DHX34: variants seen among roughly 807,000 people sequenced by gnomAD.
The protein encoded by DHX34 is DExH-box helicase 34.
DHX34 carries 96 observed loss-of-function variants against 111.1 expected under a neutral mutation model. The ratio of observed to expected loss-of-function variants is 0.86; its 90% CI spans 0.73 to 1.02. The LOEUF is 1.02. Ranked by LOEUF, DHX34 falls within the 50% of genes least tolerant of loss-of-function variation. The probability of loss-of-function intolerance (pLI) is 0.00; values close to 1 mark genes in which losing one functional copy is unlikely to be tolerated. For missense variants in DHX34, 1,560 were observed against 1,579.9 expected, an observed-to-expected ratio of 0.99 and a Z score of 0.21; for synonymous variants, 688 against 670.4, an observed-to-expected ratio of 1.03 and a Z score of -0.41.
At chr19:47,357,809 C>A (rs1215787456) in intron 3 of DHX34, 57 bp from the exon 4 acceptor site, 1 of 1,566,754 alleles carries the variant, frequency 6.4e-7, no homozygotes, top group South Asian at 1.2e-5. Context: ...CTCCCCAGCC[C>A]ATTGCTCTGA....
At position 47,355,252 on chromosome 19, in the gene DHX34, G is replaced by A; in HGVS notation, c.919G>A (p.Val307Ile). 2 of 1,614,124 alleles carry A rather than the reference G, an allele frequency of 1.2e-6. No individual in the cohort carries two copies. Among genetic ancestry groups the A allele is most frequent in the Non-Finnish European group, 1.7e-6 (2 of 1,180,026 alleles). Residue 307 changes from valine (V) to isoleucine (I), a missense_variant, in exon 3 of 17, where the codon GTC becomes ATC. By Grantham distance (29) the Val-to-Ile change is conservative. Transcript: ENST00000328771. The part of the protein sequence containing the change: ...RLLPTRPDLK[V>I]ILMSATINIS... ...GTTGCCCACGCGGCCTGACCTCAAG[G>A]TCATCCTCATGTCGGCCACCATCAA...
Position 47,380,958 on chromosome 19 carries a change from C to CTTTGT in DHX34, c.3125_3126insTTTGT (p.Val1043LeufsTer2). 2 of 1,597,048 alleles carry CTTTGT rather than the reference C, an allele frequency of 1.3e-6. No homozygotes were observed. Among genetic ancestry groups the CTTTGT allele is most frequent in the Non-Finnish European group, 1.7e-6 (2 of 1,172,492 alleles). On this transcript the variant is annotated frameshift_variant, in exon 15 of 17. Coordinates refer to ENST00000328771, the MANE Select transcript of DHX34 (RefSeq NM_014681.6). LOFTEE classifies it high-confidence loss of function. ...CCCCACCCCACAAAGGGGGGCTACG[C>CTTTGT]AGTCACTGACTTCCTCACCTACAAC... is the stretch of plus-strand genomic sequence containing the variant.
chr19:47,352,042 T>C (rs10419759), intron 1 of DHX34, among the ~76,000 whole-genome samples: 18,806 of 152,232 alleles, frequency 0.12, 1,287 homozygotes, highest in Middle Eastern at 0.19. Flanking sequence ...TTCTTTTCAT[T>C]ATATCACACC....
chr19:47,362,290 AGATGTGTGAGG>A, intron 5 of DHX34, 175 bp from the exon 6 acceptor site: 1 of 663,890 alleles, frequency 1.5e-6, no homozygotes, highest in Non-Finnish European at 1.9e-6. Flanking sequence ...AAAAAAAAAA[AGATGTGTGAGG>A]AAATGAAAGA....
intron 5 of DHX34, among the ~76,000 whole-genome samples, chr19:47,360,669 T>G (rs920071485): frequency 6.7e-6 from 1 of 149,022 alleles, no homozygotes; most frequent in Non-Finnish European, 1.5e-5. Flanking sequence ...TGACATTCTG[T>G]TTGTTGTTGT....
In DHX34 at chr19:47,364,193, C is replaced by T. The variant is rs115578976; in HGVS notation, c.1593+1500C>T. On this transcript the variant is annotated intron_variant, in intron 6 of 16. Coordinates refer to ENST00000328771, the MANE Select transcript of DHX34 (RefSeq NM_014681.6). ...AGTGAGTACAGGAGGGTTTGCGGGT[C>T]GAGCCTGCAAATGGTGCACTTGCCT... is the stretch of plus-strand genomic sequence containing the variant. Among the ~76,000 whole-genome samples the T allele has an allele frequency of 3.1e-3, 473 of 152,118 alleles. 4 individuals carry two copies. The highest frequency in any genetic ancestry group is 0.011 in the African/African-American group (454 of 41,488).
chr19:47,373,328 A>C lies in DHX34; in HGVS notation c.1963-271A>C, dbSNP rs189501153. 2.7e-3 allele frequency among the ~76,000 whole-genome samples: 407 copies of C among 152,350 alleles called. 1 individual carries two copies. Among genetic ancestry groups the C allele is most frequent in the Middle Eastern group, 0.01 (3 of 294 alleles). ...CCTCCCGGGGTTCACAGCCCAGTGC[A>C]GGGAGACAGACCACTGATGTGACAG... On this transcript the variant is annotated intron_variant, in intron 8 of 16. Transcript: ENST00000328771.
At position 47,375,597 on chromosome 19, in the gene DHX34, G is replaced by C. The variant is rs778930506; in HGVS notation, c.2196G>C (p.Ala732=). ...TGAAACGCCAGCACGAGGAGGGCGC[G>C]GGGCGCAGGCGCAAGGTGCTGCGGC... ...HQLKRQHEEG[A]GRRRKVLRLQ... The change falls in exon 10 of 17, where the codon GCG becomes GCC. Residue 732 remains alanine (A), a synonymous_variant. Transcript: ENST00000328771. 2 of 1,547,112 alleles carry C rather than the reference G, an allele frequency of 1.3e-6. No homozygotes were observed. Among genetic ancestry groups the C allele is most frequent in the Middle Eastern group, 1.7e-4 (1 of 5,908 alleles).
At chr19:47,371,206 G>A (rs938414681) in intron 7 of DHX34, among the ~76,000 whole-genome samples, 1 of 152,196 alleles carries the variant, frequency 6.6e-6, no homozygotes, top group Admixed American at 6.5e-5. Flanking sequence ...GCTTTGATCG[G>A]AGGTGATGGT....
chr19:47,359,251 C>T (rs1371819380), intron 4 of DHX34, among the ~76,000 whole-genome samples: 1 of 152,056 alleles, frequency 6.6e-6, no homozygotes, highest in Non-Finnish European at 1.5e-5. Context: ...CACTCGAGCT[C>T]AGGAGTTAGA....
At position 47,355,397 on chromosome 19, in the gene DHX34, C is replaced by A; in HGVS notation, c.1017+47C>A. 1.9e-6 allele frequency: 3 copies of A among 1,589,778 alleles called. No individual in the cohort carries two copies. In the South Asian group the frequency reaches 3.4e-5, roughly 18 times the overall value. ...CACATCCCCAGACCTCCAACCTGGTCTCTGTCCAAACCTGGACATGCCTCT... is the reference window on the plus strand; with the variant it reads ...CACATCCCCAGACCTCCAACCTGGTATCTGTCCAAACCTGGACATGCCTCT... On this transcript the variant is annotated intron_variant, in intron 3 of 16. Coordinates refer to ENST00000328771, the MANE Select transcript of DHX34 (RefSeq NM_014681.6).
At chr19:47,369,754 G>A (rs781212617) in intron 7 of DHX34, among the ~76,000 whole-genome samples, 3 of 152,124 alleles carry the variant, frequency 2.0e-5, no homozygotes, top group Non-Finnish European at 2.9e-5. Flanking sequence ...CTGGCCCTGG[G>A]TCAGGTGAGG....
At position 47,353,781 on chromosome 19, in the gene DHX34, G is replaced by C; in HGVS notation, c.705+46G>C. 6.8e-7 allele frequency: 1 copy of C among 1,469,624 alleles called. No individual in the cohort carries two copies. The highest frequency in any genetic ancestry group is 1.4e-5 in the South Asian group (1 of 73,838). 91.0% of individuals were successfully genotyped at this position (1,469,624 alleles called of 1,614,324 possible). On this transcript the variant is annotated intron_variant, in intron 2 of 16. Coordinates refer to ENST00000328771, the MANE Select transcript of DHX34 (RefSeq NM_014681.6). This position sits in a 1 kb window ranked among gnomAD's most constrained non-coding sequence, Gnocchi z 4.6. ...TTCCGATTTTTCCAGCGTGACCTTG[G>C]GGGAATAGGTTGCTTGTCCATATGG...
intron 1 of DHX34, among the ~76,000 whole-genome samples, chr19:47,351,309 G>T (rs922120663): frequency 6.6e-6 from 1 of 150,540 alleles, no homozygotes; most frequent in East Asian, 2.0e-4. Context: ...CTCCCGAGTC[G>T]CTGGGACTAC....
intron 5 of DHX34, 96 bp downstream of exon 5, chr19:47,360,166 A>T: frequency 8.5e-7 from 1 of 1,172,796 alleles, no homozygotes; most frequent in Non-Finnish European, 1.3e-6. Flanking sequence ...ACCAGCTTGG[A>T]TTGGGAAGTA....
intron 7 of DHX34, 58 bp downstream of exon 7, chr19:47,367,213 C>T: frequency 1.5e-6 from 2 of 1,358,240 alleles, no homozygotes; most frequent in Non-Finnish European, 1.9e-6. Flanking sequence ...ATGGGCACAG[C>T]TCACTCTCTG....
At chr19:47,380,600 GC>G in intron 14 of DHX34, 1 of 984,210 alleles carries the variant, frequency 1.0e-6, no homozygotes, top group Non-Finnish European at 1.2e-6. Flanking sequence ...CAGAAGAGGG[GC>G]CTGGGGAGGG....
intron 2 of DHX34, 196 bp from the exon 3 acceptor site, chr19:47,354,843 G>T (rs1402819317): frequency 3.9e-6 from 2 of 510,176 alleles, no homozygotes; most frequent in African/African-American, 4.2e-5. Context: ...TAGTAGAGAT[G>T]GGGTTTCTCT....
chr19:47,356,546 C>G (rs1969462799), intron 3 of DHX34, among the ~76,000 whole-genome samples: 1 of 151,544 alleles, frequency 6.6e-6, no homozygotes, highest in Non-Finnish European at 1.5e-5. Context: ...AGGAGAATTG[C>G]TTGAACCCGG....
Sources: allele counts gnomAD v4.1 joint callset (sites outside exome capture counted in the v4.1 genomes callset), GRCh38; gene constraint gnomAD v4.1.1; non-coding constraint Gnocchi (gnomAD v3.1); transcripts MANE v1.5; gene names NCBI Gene and HGNC (gene_info 2026-07-23, HGNC 2026-07-21).